Variants in DNAH3 observed in about 807,000 individuals in gnomAD.
The protein encoded by DNAH3 is axonemal beta dynein heavy chain 3.
A neutral mutation model predicts 432.5 loss-of-function variants in DNAH3; 332 were observed. The observed-to-expected ratio is 0.77, with a 90% CI of 0.70 to 0.84. DNAH3 has a LOEUF of 0.84. DNAH3 is among the 40% of genes least tolerant of loss of function. The probability of loss-of-function intolerance (pLI) is 0.00; values close to 1 mark genes in which losing one functional copy is unlikely to be tolerated. For synonymous variants in DNAH3, 1,956 were observed against 1,900.2 expected, an observed-to-expected ratio of 1.03 and a Z score of -0.76; for missense variants, 4,861 against 5,114.0, an observed-to-expected ratio of 0.95 and a Z score of 1.51.
At chr16:21,139,499 C>G (rs1279277566) in intron 5 of DNAH3, among the ~76,000 whole-genome samples, 1 of 151,150 alleles carries the variant, frequency 6.6e-6, no homozygotes, top group Non-Finnish European at 1.5e-5. Flanking sequence ...TTTTTTGAGA[C>G]AAGGTCTCAC....
Position 21,104,449 on chromosome 16 carries a change from C to T in DNAH3, c.2366+22G>A, listed in dbSNP as rs143761105. On this transcript the variant is annotated intron_variant, in intron 16 of 61. Transcript: ENST00000261383. ...AAGAAGTCAGGTCTCATTTCCAAGA[C>T]AATCCCAGACTCTCCCGGTACCTTT... 1.3e-5 allele frequency: 21 copies of T among 1,608,186 alleles called. No homozygotes were observed. In the African/African-American group the frequency reaches 2.3e-4, roughly 17 times the overall value.
At chr16:21,062,401 T>G (rs771317686) in intron 25 of DNAH3, 81 bp downstream of exon 25, 1 of 1,163,572 alleles carries the variant, frequency 8.6e-7, no homozygotes, top group Admixed American at 1.8e-5. Context: ...AGTCTGGTGC[T>G]TAGTCCCAGT....
intron 18 of DNAH3, among the ~76,000 whole-genome samples, chr16:21,091,619 C>T (rs2091537898): frequency 6.6e-6 from 1 of 152,088 alleles, no homozygotes; most frequent in African/African-American, 2.4e-5. Context: ...AGTTCGAGAC[C>T]AGCCTGACCA....
intron 52 of DNAH3, among the ~76,000 whole-genome samples, chr16:20,968,770 A>C (rs2085177786): frequency 7.2e-6 from 1 of 139,716 alleles, no homozygotes; most frequent in Non-Finnish European, 1.6e-5. Context: ...TCCATTCCCC[A>C]CTCCTGCTCC....
rs1307457168 is a variant in DNAH3 at position 21,070,740 on chromosome 16, T to C, written c.3171A>G (p.Pro1057=). Residue 1057 remains proline, a synonymous_variant, in exon 22 of 62, where the codon CCA becomes CCG. Transcript: ENST00000261383. ...ATTCTGCTTCTATTGGTTTGATGAA[T>C]GGGGAGCCACACATGGTCTGGGTCT... 2.5e-6 allele frequency: 4 copies of C among 1,612,846 alleles called. No individual in the cohort carries two copies. In the African/African-American group the frequency reaches 4.0e-5, roughly 16 times the overall value.
At chr16:21,055,723 T>G (rs2090108545) in intron 27 of DNAH3, among the ~76,000 whole-genome samples, 1 of 151,400 alleles carries the variant, frequency 6.6e-6, no homozygotes, top group Non-Finnish European at 1.5e-5. Flanking sequence ...AGTCTCAGTC[T>G]CCTGGTGTGT....
At chr16:21,115,430 G>A (rs1032609080) in intron 12 of DNAH3, among the ~76,000 whole-genome samples, 1 of 150,840 alleles carries the variant, frequency 6.6e-6, no homozygotes, top group African/African-American at 2.4e-5. Flanking sequence ...AAACGTGCCA[G>A]GCAAGGTGGC....
chr16:21,048,855 A>T (rs1181370905), intron 31 of DNAH3, among the ~76,000 whole-genome samples: 3 of 151,924 alleles, frequency 2.0e-5, no homozygotes, highest in Non-Finnish European at 4.4e-5. Flanking sequence ...CACCATGCCC[A>T]GCTGATTTTT....
At chr16:21,028,542 G>C (rs1183108942) in intron 37 of DNAH3, among the ~76,000 whole-genome samples, 1 of 151,196 alleles carries the variant, frequency 6.6e-6, no homozygotes, top group East Asian at 1.9e-4. Flanking sequence ...ATGGTGGCAC[G>C]CATCTGTAAT....
At chr16:21,145,334 C>G in exon 3 of DNAH3, 1 of 1,614,114 alleles carries the variant, frequency 6.2e-7, no homozygotes, top group Non-Finnish European at 8.5e-7. Flanking sequence ...TGATGCTGTT[C>G]TTTGAAGGGT....
intron 21 of DNAH3, 82 bp from the exon 22 acceptor site, chr16:21,070,908 G>C (rs542550368): frequency 1.1e-6 from 1 of 891,992 alleles, no homozygotes; most frequent in East Asian, 2.5e-5. Flanking sequence ...TTATTTATTT[G>C]AGACAGGGTC....
At chr16:20,990,956 G>A (rs747582106) in intron 44 of DNAH3, among the ~76,000 whole-genome samples, 6 of 152,096 alleles carry the variant, frequency 3.9e-5, no homozygotes, top group Non-Finnish European at 7.4e-5. Flanking sequence ...GGGAGGCAGA[G>A]GTTACAGTGA....
At chr16:20,939,330 G>T (rs909317858) in intron 59 of DNAH3, among the ~76,000 whole-genome samples, 3 of 152,148 alleles carry the variant, frequency 2.0e-5, no homozygotes, top group African/African-American at 7.2e-5. Context: ...AGTAACCCTA[G>T]GCCGGGCACA....
chr16:21,087,781 C>T (rs970123240), intron 18 of DNAH3, among the ~76,000 whole-genome samples: 1 of 151,968 alleles, frequency 6.6e-6, no homozygotes, highest in African/African-American at 2.4e-5. Context: ...CTCTGTAGTC[C>T]CAGCTATTTG....
intron 32 of DNAH3, among the ~76,000 whole-genome samples, chr16:21,041,112 T>A (rs2089422445): frequency 6.6e-6 from 1 of 152,186 alleles, no homozygotes; most frequent in Non-Finnish European, 1.5e-5. Flanking sequence ...GGCTCACACC[T>A]GTAATCCCAG....
At chr16:21,104,437 T>A in intron 16 of DNAH3, 34 bp downstream of exon 16, 1 of 1,591,746 alleles carries the variant, frequency 6.3e-7, no homozygotes, top group South Asian at 1.1e-5. Context: ...AAGTCAGGTC[T>A]CATTTCCAAG....
intron 43 of DNAH3, 42 bp from the exon 44 acceptor site, chr16:20,997,504 G>T: frequency 6.2e-7 from 1 of 1,600,254 alleles, no homozygotes; most frequent in East Asian, 2.2e-5. Flanking sequence ...CAAGTTCATG[G>T]CATCTTCTGC....
chr16:21,047,156 G>A (rs1296918972), intron 31 of DNAH3, among the ~76,000 whole-genome samples: 1 of 148,900 alleles, frequency 6.7e-6, no homozygotes, highest in Non-Finnish European at 1.5e-5. Flanking sequence ...TATGTGTCTT[G>A]GAGTTGCTCT....
exon 14 of DNAH3, chr16:21,111,764 G>T: frequency 1.2e-6 from 2 of 1,613,888 alleles, no homozygotes; most frequent in Non-Finnish European, 1.7e-6. Context: ...GATGTTCATG[G>T]ATGCAATTTC....
Sources: gnomAD v4.1 joint callset for allele counts (sites outside exome capture counted in the v4.1 genomes callset) on GRCh38, gnomAD v4.1.1 for gene constraint, MANE v1.5 for transcripts, NCBI Gene and HGNC (gene_info 2026-07-23, HGNC 2026-07-21) for gene names.